NID2: variants seen among roughly 807,000 people sequenced by gnomAD.
The protein encoded by NID2 is nidogen 2, also known as nidogen-2.
NID2 carries 83 observed loss-of-function variants against 145.4 expected under a neutral mutation model. That is an observed-to-expected ratio of 0.57 (90% CI 0.48 to 0.69). The LOEUF (loss-of-function observed/expected upper bound fraction) is 0.69. Among genes scored for constraint, NID2 ranks in the 30% least tolerant of loss-of-function variants. NID2 has a pLI of 0.00. For synonymous variants in NID2, 739 were observed against 701.3 expected, an observed-to-expected ratio of 1.05 and a Z score of -0.85; for missense variants, 1,807 against 1,765.7, an observed-to-expected ratio of 1.02 and a Z score of -0.42.
intron 16 of NID2, among the ~76,000 whole-genome samples, chr14:52,012,966 G>A (rs1213033076): frequency 2.0e-5 from 3 of 152,186 alleles, no homozygotes; most frequent in East Asian, 3.9e-4. Flanking sequence ...GTACAAAACG[G>A]GATTTGGCTT....
At chr14:52,041,664 T>C (rs1892283369) in intron 7 of NID2, among the ~76,000 whole-genome samples, 1 of 152,088 alleles carries the variant, frequency 6.6e-6, no homozygotes, top group Admixed American at 6.6e-5. Flanking sequence ...GTGTGCAGGT[T>C]CAAGTCTGGG....
chr14:52,041,841 A>G (rs1015613350), intron 7 of NID2, among the ~76,000 whole-genome samples: 13 of 152,246 alleles, frequency 8.5e-5, no homozygotes, highest in Non-Finnish European at 1.8e-4. Flanking sequence ...TTGGGGTAAG[A>G]GGACACAAAT....
intron 16 of NID2, among the ~76,000 whole-genome samples, chr14:52,012,843 TC>T (rs1376602226): frequency 1.3e-5 from 2 of 152,200 alleles, no homozygotes; most frequent in East Asian, 3.9e-4. Context: ...AAGCCAACAT[TC>T]AGGGGTTAGC....
intron 16 of NID2, among the ~76,000 whole-genome samples, chr14:52,013,640 C>T (rs546312569): frequency 6.6e-6 from 1 of 152,022 alleles, no homozygotes; most frequent in Admixed American, 6.6e-5. Flanking sequence ...TGAGAAAACC[C>T]GCTCCCCAAA....
chr14:52,011,121 G>A (rs779660970), intron 17 of NID2, 74 bp from the exon 18 acceptor site: 16 of 1,452,932 alleles, frequency 1.1e-5, no homozygotes, highest in Admixed American at 7.1e-5. Context: ...TCCAACGGTC[G>A]GGTGGGCAGG....
chr14:52,048,855 AGTTTCTGGT>A (rs765383609), intron 5 of NID2, among the ~76,000 whole-genome samples: 8 of 152,170 alleles, frequency 5.3e-5, no homozygotes, highest in Non-Finnish European at 1.0e-4. Flanking sequence ...TTAAAAATGC[AGTTTCTGGT>A]TCAGAAGGTA....
chr14:52,005,548 C>G (rs112431307), intron 21 of NID2, 52 bp from the exon 22 acceptor site: 2 of 1,576,524 alleles, frequency 1.3e-6, no homozygotes, highest in Non-Finnish European at 1.7e-6. Context: ...TATATTGTAA[C>G]CAAGTTGCAA....
intron 9 of NID2, among the ~76,000 whole-genome samples, chr14:52,033,562 G>A (rs1049526874): frequency 6.6e-6 from 1 of 152,168 alleles, no homozygotes; most frequent in East Asian, 1.9e-4. Flanking sequence ...CTGGGAAGTC[G>A]CACCACACCC....
intron 2 of NID2, among the ~76,000 whole-genome samples, chr14:52,061,296 A>C (rs757101073): frequency 6.6e-6 from 1 of 152,194 alleles, no homozygotes; most frequent in Non-Finnish European, 1.5e-5. Flanking sequence ...TAACACCTTT[A>C]TGGGCATCTC....
chr14:52,039,013 T>A, intron 8 of NID2, 36 bp from the exon 9 acceptor site: 1 of 1,423,926 alleles, frequency 7.0e-7, no homozygotes, highest in Non-Finnish European at 9.7e-7. Flanking sequence ...TTAAAAATAT[T>A]AAATACAGAG....
In NID2 at chr14:52,014,107, C is replaced by G. The variant is rs528685116; in HGVS notation, c.3420+180G>C. 2.4e-4 allele frequency: 180 copies of G among 735,402 alleles called. No homozygotes were observed. The African/African-American group carries it at 2.7e-3, about 11-fold the overall frequency. The allele number at this position is 735,402 out of a possible 1,614,324, so 45.6% of individuals were successfully genotyped here. On this transcript the variant is annotated intron_variant, in intron 16 of 21. Transcript: ENST00000216286. ...CAGCCTTGGTCAGTGACAGGTGACT[C>G]CCAGCAAGAGAGAGCCCTGGTCCTA...
intron 9 of NID2, among the ~76,000 whole-genome samples, chr14:52,030,267 C>T (rs1891751422): frequency 6.6e-6 from 1 of 152,110 alleles, no homozygotes; most frequent in South Asian, 2.1e-4. Context: ...CCAGTATTTA[C>T]TCTTCAGGAG....
intron 9 of NID2, among the ~76,000 whole-genome samples, chr14:52,033,619 T>G (rs201477455): frequency 2.0e-5 from 3 of 152,252 alleles, no homozygotes; most frequent in African/African-American, 2.4e-5. Context: ...TTCCAACAAC[T>G]ATCGTTCCCT....
intron 9 of NID2, among the ~76,000 whole-genome samples, chr14:52,031,635 C>G (rs1891874821): frequency 6.6e-6 from 1 of 152,214 alleles, no homozygotes; most frequent in Non-Finnish European, 1.5e-5. Flanking sequence ...CTCACCAGTT[C>G]TCACTACTCA....
At position 52,067,890 on chromosome 14, in the gene NID2, C is replaced by T; in HGVS notation, c.502G>A (p.Glu168Lys). The change falls in exon 2 of 22, where the codon GAG (glutamate) becomes AAG (lysine). Residue 168 changes from glutamate to lysine, a missense_variant. Transcript: ENST00000216286. ...GAGGGCAGCGCCCCGCGCTTGACCT[C>T]CTCGTAAGCGCCTACCTGCTCCCAG... ...ATWEQVGAYE[E>K]VKRGALPSGE... The T allele has an allele frequency of 6.2e-7, 1 of 1,612,722 alleles. No homozygotes were observed. The highest frequency in any genetic ancestry group is 1.1e-5 in the South Asian group (1 of 91,024).
chr14:52,046,707 T>C (rs1330542850), intron 5 of NID2, among the ~76,000 whole-genome samples: 1 of 152,266 alleles, frequency 6.6e-6, no homozygotes, highest in Non-Finnish European at 1.5e-5. Context: ...CAGGCTCCCA[T>C]GAAAGGCTAT....
chr14:52,004,815 T>TAAAACACTTTATTGGAG lies in NID2; in HGVS notation c.*654_*670dup, dbSNP rs1890691146. 1 of 235,898 alleles carries TAAAACACTTTATTGGAG rather than the reference T, an allele frequency of 4.2e-6. No individual in the cohort carries two copies. Among genetic ancestry groups the TAAAACACTTTATTGGAG allele is most frequent in the Non-Finnish European group, 8.1e-6 (1 of 123,790 alleles). The allele number at this position is 235,898 out of a possible 1,614,324, so 14.6% of individuals were successfully genotyped here. ...TAGATCCTTAAGTCATAGGAAAACTTAAAACACTTTATTGGAGTAATCTAG... is the reference window on the plus strand; with the variant it reads ...TAGATCCTTAAGTCATAGGAAAACTTAAAACACTTTATTGGAGAAAACACTTTATTGGAGTAATCTAG... On this transcript the variant is annotated 3_prime_UTR_variant, in exon 22 of 22. Coordinates refer to ENST00000216286, the MANE Select transcript of NID2 (RefSeq NM_007361.4).
Position 52,010,969 on chromosome 14 carries a change from A to C in NID2, c.3629T>G (p.Ile1210Arg), listed in dbSNP as rs1447023231. 2.5e-6 allele frequency: 4 copies of C among 1,614,042 alleles called. No individual in the cohort carries two copies. Among genetic ancestry groups the C allele is most frequent in the African/African-American group, 1.3e-5 (1 of 74,922 alleles). Residue 1210 changes from isoleucine (I) to arginine (R), a missense_variant, in exon 18 of 22, where the codon ATA (isoleucine) becomes AGA (arginine). Ile to Arg is a moderately conservative substitution (Grantham distance 97, BLOSUM62 -3). Coordinates refer to ENST00000216286, the MANE Select transcript of NID2 (RefSeq NM_007361.4). ...AGAGCCATCCAGCAGGGCGCTCTCT[A>C]TCTTATCCAGGACACTGTCCGTCCA... ...MYWTDSVLDK[I>R]ESALLDGSER...
At chr14:52,019,651 C>T (rs191071960) in intron 13 of NID2, among the ~76,000 whole-genome samples, 4,731 of 150,096 alleles carry the variant, frequency 0.032, 93 homozygotes, top group Non-Finnish European at 0.048. Context: ...TGCAAGCCAA[C>T]GGCACTCACC....
Sources: allele counts gnomAD v4.1 joint callset (sites outside exome capture counted in the v4.1 genomes callset), GRCh38; gene constraint gnomAD v4.1.1; transcripts MANE v1.5; gene names NCBI Gene and HGNC (gene_info 2026-07-23, HGNC 2026-07-21).